Variants in CORIN observed in about 807,000 individuals in gnomAD.
The protein encoded by CORIN is corin, serine peptidase.
Under a neutral mutation model 125.3 loss-of-function variants are expected in CORIN, and 117 were observed. That is an observed-to-expected ratio of 0.93 (90% CI 0.80 to 1.09). CORIN has a LOEUF of 1.09. Among genes scored for constraint, CORIN ranks in the 50% least tolerant of loss-of-function variants. The pLI is 0.00. For synonymous variants in CORIN, 450 were observed against 466.4 expected (o/e 0.96, Z 0.45); for missense variants, 1,253 against 1,306.7 (o/e 0.96, Z 0.63).
At chr4:47,755,898 A>G (rs1729116323) in intron 4 of CORIN, among the ~76,000 whole-genome samples, 1 of 152,216 alleles carries the variant, frequency 6.6e-6, no homozygotes, top group Non-Finnish European at 1.5e-5. Flanking sequence ...TAACCTAGAC[A>G]TTTAGGAGGG....
intron 13 of CORIN, among the ~76,000 whole-genome samples, chr4:47,652,360 A>C (rs1044929137): frequency 7.2e-5 from 11 of 152,198 alleles, no homozygotes; most frequent in Non-Finnish European, 1.0e-4. Flanking sequence ...TACCACCTAA[A>C]ATTCACTTAA....
At chr4:47,671,580 TTTTA>T (rs941543864) in intron 10 of CORIN, among the ~76,000 whole-genome samples, 4 of 152,098 alleles carry the variant, frequency 2.6e-5, no homozygotes, top group African/African-American at 9.7e-5. Flanking sequence ...ACGCCTTATT[TTTTA>T]TTTATTTATT....
intron 17 of CORIN, among the ~76,000 whole-genome samples, chr4:47,625,716 A>G (rs1291710387): frequency 6.6e-6 from 1 of 152,186 alleles, no homozygotes; most frequent in East Asian, 1.9e-4. Flanking sequence ...ATCACTTAGC[A>G]TCTGTGGGCT....
chr4:47,775,396 G>T (rs1730251488), intron 3 of CORIN, among the ~76,000 whole-genome samples: 1 of 152,012 alleles, frequency 6.6e-6, no homozygotes, highest in South Asian at 2.1e-4. Context: ...GGGCCCCCGT[G>T]TGTGATGTTC....
chr4:47,675,893 T>C (rs1056109351), intron 9 of CORIN, among the ~76,000 whole-genome samples: 1 of 152,082 alleles, frequency 6.6e-6, no homozygotes, highest in South Asian at 2.1e-4. Context: ...TAAAGAGCAG[T>C]AGAAGCCAAT....
intron 1 of CORIN, among the ~76,000 whole-genome samples, chr4:47,818,481 A>G (rs1251779543): frequency 6.6e-6 from 1 of 152,224 alleles, no homozygotes; most frequent in Non-Finnish European, 1.5e-5. Context: ...TCTGTCCCCA[A>G]AAGGTCAAGG....
intron 10 of CORIN, among the ~76,000 whole-genome samples, chr4:47,671,614 T>A (rs769276437): frequency 2.6e-5 from 4 of 152,202 alleles, no homozygotes; most frequent in Non-Finnish European, 5.9e-5. Flanking sequence ...AGACGGAATC[T>A]CGATCTCTCA....
At chr4:47,689,423 C>G (rs886453908) in intron 6 of CORIN, among the ~76,000 whole-genome samples, 8 of 152,032 alleles carry the variant, frequency 5.3e-5, no homozygotes, top group Admixed American at 4.6e-4. Context: ...CAGCCTGACT[C>G]AAGAATTTAT....
chr4:47,729,137 C>T (rs920112665), intron 5 of CORIN, among the ~76,000 whole-genome samples: 2 of 152,170 alleles, frequency 1.3e-5, no homozygotes, highest in African/African-American at 2.4e-5. Flanking sequence ...GCCTGTAATT[C>T]TCCCAGAAAA....
chr4:47,644,086 C>A (rs1450733885), intron 14 of CORIN, among the ~76,000 whole-genome samples: 2 of 152,160 alleles, frequency 1.3e-5, no homozygotes, highest in African/African-American at 4.8e-5. Flanking sequence ...GTTCTCCCTG[C>A]GTGGTGCTTC....
rs544560178 is a variant in CORIN at position 47,641,996 on chromosome 4, C to A, written c.2122G>T (p.Ala708Ser). 112 of 1,613,592 alleles carry A rather than the reference C, an allele frequency of 6.9e-5. 1 individual carries two copies. The South Asian group carries it at 1.2e-3, about 17-fold the overall frequency. Reference protein sequence around the residue: ...SSSFLMVHRAATEHHVCADGW... With the variant: ...SSSFLMVHRASTEHHVCADGW... The stretch of plus-strand genomic sequence containing the variant: ...TCTGCACACACATGGTGTTCTGTGG[C>A]AGCTCTGTGAACCATCAGAAAGGAA... Residue 708 changes from alanine (A) to serine (S), a missense_variant, in exon 16 of 22, where the codon GCC (alanine) becomes TCC (serine). Ala to Ser is a moderately conservative substitution (Grantham distance 99, BLOSUM62 1). Coordinates refer to ENST00000273857, the MANE Select transcript of CORIN (RefSeq NM_006587.4).
intron 4 of CORIN, among the ~76,000 whole-genome samples, chr4:47,753,407 T>A (rs1479428427): frequency 6.6e-6 from 1 of 152,092 alleles, no homozygotes; most frequent in Admixed American, 6.6e-5. Flanking sequence ...AGAGAACTAG[T>A]CTGACCTCAA....
intron 2 of CORIN, among the ~76,000 whole-genome samples, chr4:47,788,849 G>A (rs934840367): frequency 1.3e-5 from 2 of 152,022 alleles, no homozygotes; most frequent in East Asian, 1.9e-4. Flanking sequence ...AATTGTTCAC[G>A]GTTGTACCCT....
Position 47,748,522 on chromosome 4 carries a change from T to A in CORIN, c.618-3939A>T, listed in dbSNP as rs114665206. 6.0e-3 allele frequency among the ~76,000 whole-genome samples: 912 copies of A among 152,330 alleles called. 9 individuals are homozygous for A. Among genetic ancestry groups the A allele is most frequent in the African/African-American group, 0.02 (851 of 41,574 alleles). Reference sequence around the variant, plus strand: ...TTTGTTCAAACATTTGATAGCTATATAAATAATACTACAATATAGTGATAG... The same window carrying A: ...TTTGTTCAAACATTTGATAGCTATAAAAATAATACTACAATATAGTGATAG... On this transcript the variant is annotated intron_variant, in intron 4 of 21. Transcript: ENST00000273857.
At chr4:47,832,442 T>TTCC (rs1733081740) in intron 1 of CORIN, among the ~76,000 whole-genome samples, 1 of 128,982 alleles carries the variant, frequency 7.8e-6, no homozygotes, top group Admixed American at 8.0e-5. Flanking sequence ...TTTCTTTTCT[T>TTCC]TTCTTTTTTT....
intron 3 of CORIN, among the ~76,000 whole-genome samples, chr4:47,779,022 C>T (rs950475999): frequency 6.6e-6 from 1 of 152,172 alleles, no homozygotes; most frequent in Non-Finnish European, 1.5e-5. Flanking sequence ...AATAACATCT[C>T]CATTTCCAAT....
At chr4:47,821,526 G>T (rs1732514460) in intron 1 of CORIN, among the ~76,000 whole-genome samples, 6 of 151,662 alleles carry the variant, frequency 4.0e-5, no homozygotes, top group Admixed American at 3.9e-4. Context: ...TTTATGATCG[G>T]AGTTCAAGGT....
intron 5 of CORIN, among the ~76,000 whole-genome samples, chr4:47,707,661 CTTCT>C (rs534357124): frequency 3.0e-4 from 45 of 152,310 alleles, no homozygotes; most frequent in African/African-American, 1.0e-3. Flanking sequence ...ATATATTCAT[CTTCT>C]TTATTTCTAC....
intron 19 of CORIN, among the ~76,000 whole-genome samples, chr4:47,618,332 C>A (rs1476698293): frequency 3.3e-4 from 36 of 108,182 alleles, no homozygotes; most frequent in East Asian, 1.2e-3. Flanking sequence ...GAAACTCCAT[C>A]AAAAAAAAAA....
Sources: gnomAD v4.1 joint callset for allele counts (sites outside exome capture counted in the v4.1 genomes callset) on GRCh38, gnomAD v4.1.1 for gene constraint, MANE v1.5 for transcripts, NCBI Gene and HGNC (gene_info 2026-07-23, HGNC 2026-07-21) for gene names.